Variants in KBTBD11 observed in about 807,000 individuals in gnomAD.
KBTBD11 encodes kelch repeat and BTB domain-containing protein 11.
For synonymous variants in KBTBD11, 747 were observed against 499.0 expected, an observed-to-expected ratio of 1.50 and a Z score of -6.63; for missense variants, 1,390 against 1,001.8, an observed-to-expected ratio of 1.39 and a Z score of -5.23.
Position 2,005,928 on chromosome 8 carries a change from G to C in KBTBD11, c.*2864G>C, listed in dbSNP as rs1817559966. ...GTTCATTTGAGATGCAGAGGAATGAGCTTGAGCCTTCCTCCTTTTCCTTCC... is the reference window on the plus strand; with the variant it reads ...GTTCATTTGAGATGCAGAGGAATGACCTTGAGCCTTCCTCCTTTTCCTTCC... On this transcript the variant is annotated 3_prime_UTR_variant, in exon 2 of 2. Transcript: ENST00000320248. 1.2e-5 allele frequency: 2 copies of C among 167,094 alleles called. No homozygotes were observed. The highest frequency in any genetic ancestry group is 2.4e-5 in the African/African-American group (1 of 41,436). The allele number at this position is 167,094 out of a possible 1,614,324, so 10.4% of individuals were successfully genotyped here. A position where few individuals can be genotyped will look rare whatever the true frequency, so the allele number is the denominator to read the frequency against.
rs753524428 is a variant in KBTBD11, at chr8:2,004,874, A to T, written c.*1810A>T. On this transcript the variant is annotated 3_prime_UTR_variant, in exon 2 of 2. Coordinates refer to ENST00000320248, the MANE Select transcript of KBTBD11 (RefSeq NM_014867.3). Reference sequence around the variant, plus strand: ...TCATTTTAAGCAATGTACCATTCACACTGTCCTGCCTTTTCCTCTAGAATT... The same window carrying T: ...TCATTTTAAGCAATGTACCATTCACTCTGTCCTGCCTTTTCCTCTAGAATT... 1 of 167,088 alleles carries T rather than the reference A, an allele frequency of 6.0e-6. No individual in the cohort carries two copies. The allele number at this position is 167,088 out of a possible 1,614,324, so 10.4% of individuals were successfully genotyped here.
chr8:1,979,330 C>G (rs1261019815), intron 1 of KBTBD11, among the ~76,000 whole-genome samples: 3 of 152,186 alleles, frequency 2.0e-5, no homozygotes, highest in Non-Finnish European at 2.9e-5. Flanking sequence ...TTAATCATGT[C>G]TTTAAAAAAC....
chr8:1,974,341 G>A (rs1228228315), intron 1 of KBTBD11: 1 of 984,560 alleles, frequency 1.0e-6, no homozygotes, highest in Non-Finnish European at 1.2e-6. Context: ...CACCGCCCCC[G>A]CCGAGGGTCC....
intron 1 of KBTBD11, among the ~76,000 whole-genome samples, chr8:1,987,007 CAAAAAAAAAAAAAA>C (rs59934216): frequency 0.22 from 13,623 of 63,168 alleles, 992 homozygotes; most frequent in Admixed American, 0.26. Flanking sequence ...CCTATCTCTC[CAAAAAAAAAAAAAA>C]AAAAAAAAAA....
intron 1 of KBTBD11, among the ~76,000 whole-genome samples, chr8:1,982,595 C>T (rs866574139): frequency 6.6e-6 from 1 of 152,144 alleles, no homozygotes; most frequent in East Asian, 1.9e-4. Context: ...CATTAGAGAG[C>T]AGAGGGAGCT....
chr8:1,992,087 G>C (rs1460278310), intron 1 of KBTBD11, among the ~76,000 whole-genome samples: 1 of 152,022 alleles, frequency 6.6e-6, no homozygotes, highest in Non-Finnish European at 1.5e-5. Flanking sequence ...AGCAGCACCT[G>C]TTGCCACCCA....
At chr8:1,993,378 C>T (rs544448532) in intron 1 of KBTBD11, among the ~76,000 whole-genome samples, 4 of 132,550 alleles carry the variant, frequency 3.0e-5, no homozygotes, top group Non-Finnish European at 6.4e-5. Context: ...TCCGTCCGTC[C>T]GTCCGTCCGT....
intron 1 of KBTBD11, among the ~76,000 whole-genome samples, chr8:1,997,925 G>A (rs1817203857): frequency 6.6e-6 from 1 of 152,106 alleles, no homozygotes; most frequent in African/African-American, 2.4e-5. Flanking sequence ...TCCTCAGAAG[G>A]ACACAATTTA....
intron 1 of KBTBD11, among the ~76,000 whole-genome samples, chr8:1,989,591 T>C (rs1816832729): frequency 6.6e-6 from 1 of 152,164 alleles, no homozygotes; most frequent in Non-Finnish European, 1.5e-5. Flanking sequence ...TTTTAAAAAA[T>C]CCATTAATCA....
intron 1 of KBTBD11, among the ~76,000 whole-genome samples, chr8:1,982,202 A>C (rs1008355042): frequency 1.3e-5 from 2 of 152,216 alleles, no homozygotes; most frequent in African/African-American, 2.4e-5. Flanking sequence ...TACAACTATA[A>C]GGTATTTTAT....
chr8:1,974,334 C>A (rs1052454493), intron 1 of KBTBD11: 1 of 984,564 alleles, frequency 1.0e-6, no homozygotes, highest in Non-Finnish European at 1.2e-6. Context: ...CCGCAGTCAC[C>A]GCCCCCGCCG....
chr8:1,981,022 C>T (rs752323001), intron 1 of KBTBD11, among the ~76,000 whole-genome samples: 7 of 152,198 alleles, frequency 4.6e-5, no homozygotes, highest in Non-Finnish European at 8.8e-5. Flanking sequence ...GCAGTAGGAT[C>T]TCAGCGTCTG....
intron 1 of KBTBD11, among the ~76,000 whole-genome samples, chr8:1,984,195 T>G (rs553822775): frequency 4.6e-5 from 7 of 150,548 alleles, no homozygotes; most frequent in African/African-American, 1.7e-4. Context: ...CCAAACACTT[T>G]GGGAGGCCGA....
chr8:1,997,078 G>T (rs1461124918), intron 1 of KBTBD11, among the ~76,000 whole-genome samples: 3 of 152,140 alleles, frequency 2.0e-5, no homozygotes, highest in Non-Finnish European at 2.9e-5. Flanking sequence ...GACTCCAGAA[G>T]TGGGCTCAGG....
intron 1 of KBTBD11, among the ~76,000 whole-genome samples, chr8:1,993,556 C>CCCT (rs1817015505): frequency 1.4e-5 from 1 of 73,664 alleles, no homozygotes; most frequent in African/African-American, 5.4e-5. Flanking sequence ...CACCCACCCA[C>CCCT]CCATCCATCC....
At position 2,003,041 on chromosome 8, in the gene KBTBD11, C is replaced by G. The variant is rs892320849; in HGVS notation, c.1849C>G (p.Arg617Gly). The G allele has an allele frequency of 7.9e-7, 1 of 1,272,796 alleles. No homozygotes were observed. Among genetic ancestry groups the G allele is most frequent in the East Asian group, 3.1e-5 (1 of 31,822 alleles). 78.8% of individuals were successfully genotyped at this position (1,272,796 alleles called of 1,614,324 possible). Residue 617 changes from arginine to glycine, a missense_variant, in exon 2 of 2, where the codon CGA (arginine) becomes GGA (glycine). Coordinates refer to ENST00000320248, the MANE Select transcript of KBTBD11 (RefSeq NM_014867.3). ...TCTCAGCCTGCCTGAGAAGCCGCCC[C>G]GAGGGGAGCAGGGCGCCCCGTAGGC... is the stretch of plus-strand genomic sequence containing the variant. ...FALSLPEKPP[R>G]GEQGAP
At chr8:1,987,275 C>T (rs750788440) in intron 1 of KBTBD11, among the ~76,000 whole-genome samples, 3 of 152,060 alleles carry the variant, frequency 2.0e-5, no homozygotes, top group Non-Finnish European at 4.4e-5. Flanking sequence ...GCAAAGCTTC[C>T]GAAATTCAAA....
chr8:1,973,821 G>A lies in KBTBD11; in HGVS notation c.-1023G>A, dbSNP rs1167897272. 2.0e-6 allele frequency: 2 copies of A among 983,332 alleles called. No homozygotes were observed. Among genetic ancestry groups the A allele is most frequent in the African/African-American group, 3.5e-5 (2 of 56,962 alleles). 60.9% of individuals were successfully genotyped at this position (983,332 alleles called of 1,614,324 possible). A position where few individuals can be genotyped will look rare whatever the true frequency, so the allele number is the denominator to read the frequency against. On this transcript the variant is annotated 5_prime_UTR_variant, in exon 1 of 2. Transcript: ENST00000320248. ...AGCAGCTCCCGCTCGCAGGTGCTCGGAGAGGCCGGGCCGCGGCTCCCACAG... is the reference window on the plus strand; with the variant it reads ...AGCAGCTCCCGCTCGCAGGTGCTCGAAGAGGCCGGGCCGCGGCTCCCACAG...
rs112146662 is a variant in KBTBD11, at chr8:1,983,930, G to T, written c.-909+9995G>T. 3.7e-3 allele frequency among the ~76,000 whole-genome samples: 560 copies of T among 152,296 alleles called. 4 individuals are homozygous for T. Among genetic ancestry groups the T allele is most frequent in the Non-Finnish European group, 6.7e-3 (453 of 68,022 alleles). The stretch of plus-strand genomic sequence containing the variant: ...GGATCACCTGAGGTCAGGAGTTTGA[G>T]ACCAGCCTGGCCAACAAGGTGAAGC... On this transcript the variant is annotated intron_variant, in intron 1 of 1. Coordinates refer to ENST00000320248, the MANE Select transcript of KBTBD11 (RefSeq NM_014867.3).
Sources: gnomAD v4.1 joint callset for allele counts (sites outside exome capture counted in the v4.1 genomes callset) on GRCh38, gnomAD v4.1.1 for gene constraint, MANE v1.5 for transcripts, NCBI Gene and HGNC (gene_info 2026-07-23, HGNC 2026-07-21) for gene names.